GLRA2: variants seen among roughly 807,000 people sequenced by gnomAD.
The protein encoded by GLRA2 is glycine receptor alpha 2, also known as glycine receptor subunit alpha-2.
In GLRA2, 11 loss-of-function variants were observed where a neutral mutation model predicts 31.6. The ratio of observed to expected loss-of-function variants is 0.35; its 90% CI spans 0.22 to 0.58. GLRA2 has a LOEUF of 0.58. GLRA2 is among the 20% of genes least tolerant of loss of function. The probability of loss-of-function intolerance (pLI) is 0.84; values close to 1 mark genes in which losing one functional copy is unlikely to be tolerated. For missense variants in GLRA2, 212 were observed against 351.8 expected (o/e 0.60, Z 3.18); for synonymous variants, 132 against 134.0 (o/e 0.99, Z 0.10).
At chrX:14,569,566 C>A (rs182068108) in intron 2 of GLRA2, among the ~76,000 whole-genome samples, 2 of 102,402 alleles carry the variant, frequency 2.0e-5, no homozygotes, top group Admixed American at 1.0e-4. Flanking sequence ...AATGATATAC[C>A]ATTTCACACC....
chrX:14,517,532 T>C, the GLRA2 span, among the ~76,000 whole-genome samples: 1 of 111,588 alleles, frequency 9.0e-6, no homozygotes, highest in Non-Finnish European at 1.9e-5. Flanking sequence ...GAAAGCCCCC[T>C]ATAAAACCAT....
At chrX:14,463,273 G>T in the GLRA2 span, among the ~76,000 whole-genome samples, 2 of 111,458 alleles carry the variant, frequency 1.8e-5, no homozygotes, top group African/African-American at 6.5e-5. Flanking sequence ...GGCACCTACT[G>T]GGGGGTGTCT....
the GLRA2 span, among the ~76,000 whole-genome samples, chrX:14,453,967 T>C: frequency 7.2e-5 from 8 of 111,845 alleles, no homozygotes; most frequent in African/African-American, 2.6e-4. Flanking sequence ...AAATTCTCTT[T>C]GTATAACATC....
At chrX:14,562,877 G>T (rs1199875901) in intron 2 of GLRA2, among the ~76,000 whole-genome samples, 1 of 111,100 alleles carries the variant, frequency 9.0e-6, no homozygotes, top group East Asian at 2.8e-4. Context: ...AATGTGGGGG[G>T]GACACAATTC....
At chrX:14,464,868 T>G in the GLRA2 span, among the ~76,000 whole-genome samples, 3 of 112,416 alleles carry the variant, frequency 2.7e-5, no homozygotes, top group Non-Finnish European at 5.6e-5. Context: ...GTGTCTATTT[T>G]TATGACAGCA....
At chrX:14,585,935 T>C (rs1310524398) in intron 4 of GLRA2, among the ~76,000 whole-genome samples, 1 of 112,402 alleles carries the variant, frequency 8.9e-6, no homozygotes, top group Non-Finnish European at 1.9e-5. Flanking sequence ...TGTATTTGCA[T>C]TTTCCTGAAA....
intron 7 of GLRA2, among the ~76,000 whole-genome samples, chrX:14,662,273 C>G (rs940681662): frequency 1.8e-5 from 2 of 111,609 alleles, no homozygotes; most frequent in African/African-American, 6.5e-5. Context: ...CACACTCTTA[C>G]ATATACACAG....
At chrX:14,454,192 A>ACC in the GLRA2 span, among the ~76,000 whole-genome samples, 61 of 48,733 alleles carry the variant, frequency 1.3e-3, no homozygotes, top group East Asian at 3.5e-3. Context: ...ACACACCCAC[A>ACC]CACACACACA....
At chrX:14,726,766 A>G (rs943716084) in intron 8 of GLRA2, among the ~76,000 whole-genome samples, 1 of 112,664 alleles carries the variant, frequency 8.9e-6, no homozygotes, top group Non-Finnish European at 1.9e-5. Flanking sequence ...TAAATGAATG[A>G]GTCAATCTGA....
chrX:14,589,726 G>A (rs868089687), intron 4 of GLRA2, among the ~76,000 whole-genome samples: 71 of 48,729 alleles, frequency 1.5e-3, no homozygotes, highest in African/African-American at 2.0e-3. Context: ...ATATATGTGT[G>A]TGTATATATA....
At chrX:14,716,998 A>G (rs888182966) in intron 8 of GLRA2, among the ~76,000 whole-genome samples, 1 of 110,842 alleles carries the variant, frequency 9.0e-6, no homozygotes, top group African/African-American at 3.3e-5. Context: ...TATGCCTCCT[A>G]TTATACTCTA....
At chrX:14,463,197 T>A in the GLRA2 span, among the ~76,000 whole-genome samples, 1 of 111,673 alleles carries the variant, frequency 9.0e-6, no homozygotes, top group East Asian at 2.8e-4. Flanking sequence ...CAGCAAATGT[T>A]GCTGCCCAAT....
At chrX:14,708,664 C>T (rs928882199) in intron 8 of GLRA2, among the ~76,000 whole-genome samples, 27 of 111,744 alleles carry the variant, frequency 2.4e-4, no homozygotes, top group African/African-American at 3.6e-4. Flanking sequence ...AGGCCAGGCG[C>T]GGTGGCTCAC....
At chrX:14,503,265 G>A in the GLRA2 span, among the ~76,000 whole-genome samples, 232 of 111,102 alleles carry the variant, frequency 2.1e-3, no homozygotes, top group African/African-American at 7.2e-3. Flanking sequence ...GGCAAAAGAG[G>A]GACTTAATGA....
chrX:14,635,883 G>C (rs1337240554), intron 7 of GLRA2, among the ~76,000 whole-genome samples: 1 of 110,761 alleles, frequency 9.0e-6, no homozygotes, highest in East Asian at 2.9e-4. Context: ...TTTGAATTGA[G>C]AGCAAAGAGA....
At chrX:14,613,374 T>C (rs899307884) in intron 7 of GLRA2, among the ~76,000 whole-genome samples, 2 of 112,011 alleles carry the variant, frequency 1.8e-5, no homozygotes, top group African/African-American at 6.5e-5. Flanking sequence ...AAGTTTGTCA[T>C]ATGTATGTGT....
At chrX:14,679,730 G>C (rs950699185) in intron 7 of GLRA2, among the ~76,000 whole-genome samples, 12 of 111,689 alleles carry the variant, frequency 1.1e-4, no homozygotes, top group Non-Finnish European at 5.6e-5. Flanking sequence ...TAAAACAAGT[G>C]CTACACCACC....
At chrX:14,555,195 G>T (rs1176017085) in intron 2 of GLRA2, among the ~76,000 whole-genome samples, 1 of 112,032 alleles carries the variant, frequency 8.9e-6, no homozygotes, top group Non-Finnish European at 1.9e-5. Flanking sequence ...TTAAGAAAAA[G>T]ATCTCAAGGT....
At chrX:14,605,495 A>T in intron 5 of GLRA2, among the ~76,000 whole-genome samples, 1 of 111,392 alleles carries the variant, frequency 9.0e-6, no homozygotes, top group Non-Finnish European at 1.9e-5. Flanking sequence ...AAAAGCTGAG[A>T]AAAACATTTT....
Sources: allele counts gnomAD v4.1 joint callset (sites outside exome capture counted in the v4.1 genomes callset), GRCh38; gene constraint gnomAD v4.1.1; transcripts MANE v1.5; gene names NCBI Gene and HGNC (gene_info 2026-07-23, HGNC 2026-07-21).